Variants in CAP2 observed in about 807,000 individuals in gnomAD.
CAP2 encodes the protein cyclase associated actin cytoskeleton regulatory protein 2.
In CAP2, 24 loss-of-function variants were observed where a neutral mutation model predicts 57.7. That is an observed-to-expected ratio of 0.42 (90% CI 0.30 to 0.58). The LOEUF (loss-of-function observed/expected upper bound fraction) is 0.58. CAP2 is among the 20% of genes least tolerant of loss of function. CAP2 has a pLI of 0.22. For synonymous variants in CAP2, 194 were observed against 207.2 expected (o/e 0.94, Z 0.55); for missense variants, 501 against 590.3 (o/e 0.85, Z 1.57).
rs1491286878 is a variant in CAP2, at chr6:17,444,803, TCC to T, written c.222+18114_222+18115del. Among the ~76,000 whole-genome samples the T allele has an allele frequency of 3.8e-3, 294 of 76,634 alleles. 1 individual carries two copies. The highest frequency in any genetic ancestry group is 0.012 in the African/African-American group (271 of 22,108). The allele number at this position is 76,634 out of a possible 152,430, so 50.3% of individuals were successfully genotyped here. A position where few individuals can be genotyped will look rare whatever the true frequency, so the allele number is the denominator to read the frequency against. On this transcript the variant is annotated intron_variant, in intron 3 of 12. Transcript: ENST00000229922. ...CTCTGTAGATTTTTGTTTCTCTCTC[TCC>T]ACACACACACACACACACACACACA...
chr6:17,481,031 T>A (rs111816814), intron 4 of CAP2, among the ~76,000 whole-genome samples: 1,877 of 144,638 alleles, frequency 0.013, 46 homozygotes, highest in African/African-American at 0.046. Flanking sequence ...ACTCCTGACC[T>A]CAGGTGACCT....
chr6:17,486,035 C>T (rs189428136), intron 4 of CAP2, among the ~76,000 whole-genome samples: 3 of 152,280 alleles, frequency 2.0e-5, no homozygotes, highest in African/African-American at 7.2e-5. Context: ...TATTTGTGGC[C>T]AAACATGTTC....
chr6:17,508,714 T>G (rs1235343445), intron 6 of CAP2, among the ~76,000 whole-genome samples: 2 of 151,688 alleles, frequency 1.3e-5, no homozygotes, highest in African/African-American at 2.4e-5. Flanking sequence ...GGAAGGAAAT[T>G]AAAGAACCTG....
At chr6:17,484,366 G>A (rs552193124) in intron 4 of CAP2, among the ~76,000 whole-genome samples, 26 of 152,246 alleles carry the variant, frequency 1.7e-4, no homozygotes, top group African/African-American at 5.3e-4. Context: ...TGAATTGTTG[G>A]AACCTGCAGC....
rs573678621 is a variant in CAP2, at chr6:17,516,548, A to G, written c.636+2594A>G. Among the ~76,000 whole-genome samples, 5 of 152,328 alleles carry G rather than the reference A, an allele frequency of 3.3e-5. No individual in the cohort carries two copies. In the East Asian group the frequency reaches 7.7e-4, roughly 23 times the overall value. On this transcript the variant is annotated intron_variant, in intron 7 of 12. Transcript: ENST00000229922. ...GTGATGGATGCACCAAAATCTCACA[A>G]ATTACCACTAAAGAACTTACTCGTG...
At chr6:17,546,652 A>C (rs1257351597) in intron 11 of CAP2, among the ~76,000 whole-genome samples, 2 of 152,164 alleles carry the variant, frequency 1.3e-5, no homozygotes, top group African/African-American at 4.8e-5. Context: ...AAAAACTCTC[A>C]ATAAATTAGG....
intron 3 of CAP2, among the ~76,000 whole-genome samples, chr6:17,448,637 T>G (rs939251346): frequency 6.6e-5 from 10 of 152,252 alleles, no homozygotes; most frequent in African/African-American, 2.4e-4. Context: ...GCTTTTTAAG[T>G]TACAATGATT....
chr6:17,446,950 C>T (rs900601622), intron 3 of CAP2, among the ~76,000 whole-genome samples: 1 of 152,098 alleles, frequency 6.6e-6, no homozygotes, highest in Non-Finnish European at 1.5e-5. Context: ...CATGGTTGAG[C>T]GGTCATAGTG....
At chr6:17,450,205 C>G (rs1306992497) in intron 3 of CAP2, among the ~76,000 whole-genome samples, 56 of 152,198 alleles carry the variant, frequency 3.7e-4, no homozygotes, top group Non-Finnish European at 4.4e-5. Context: ...GCGCCCACCA[C>G]CACAGCCGGC....
At chr6:17,444,072 A>G (rs73369452) in intron 3 of CAP2, among the ~76,000 whole-genome samples, 1,981 of 152,324 alleles carry the variant, frequency 0.013, 51 homozygotes, top group African/African-American at 0.045. Context: ...AAACAAATTC[A>G]TATACAGGTA....
chr6:17,555,876 A>G (rs980957528), intron 12 of CAP2, among the ~76,000 whole-genome samples: 3 of 152,060 alleles, frequency 2.0e-5, no homozygotes, highest in Non-Finnish European at 4.4e-5. Context: ...CAGAATCTGC[A>G]TTTTCATAAG....
chr6:17,437,010 A>G (rs1238810232), intron 3 of CAP2, among the ~76,000 whole-genome samples: 1 of 152,116 alleles, frequency 6.6e-6, no homozygotes, highest in Non-Finnish European at 1.5e-5. Context: ...ATGCCTTATG[A>G]TCTGTCACTG....
At chr6:17,530,278 A>G (rs1762610848) in intron 7 of CAP2, among the ~76,000 whole-genome samples, 1 of 152,146 alleles carries the variant, frequency 6.6e-6, no homozygotes, top group Non-Finnish European at 1.5e-5. Flanking sequence ...ACAGGATCTC[A>G]CTATGTTGCC....
intron 3 of CAP2, among the ~76,000 whole-genome samples, chr6:17,450,912 G>GATTT (rs1309563523): frequency 6.6e-6 from 1 of 152,200 alleles, no homozygotes; most frequent in Non-Finnish European, 1.5e-5. Context: ...AATCAACTGT[G>GATTT]ATTTGGTTGG....
chr6:17,529,516 C>A (rs533142071), intron 7 of CAP2, among the ~76,000 whole-genome samples: 1 of 151,932 alleles, frequency 6.6e-6, no homozygotes, highest in African/African-American at 2.4e-5. Context: ...TGGCAGGCGC[C>A]TGTAGTCCCA....
At chr6:17,452,938 A>T (rs1012954427) in intron 3 of CAP2, among the ~76,000 whole-genome samples, 1 of 151,838 alleles carries the variant, frequency 6.6e-6, no homozygotes, top group Non-Finnish European at 1.5e-5. Flanking sequence ...TTCTAGTTTT[A>T]AAAAAAAGTG....
At chr6:17,451,790 G>A (rs148629699) in intron 3 of CAP2, among the ~76,000 whole-genome samples, 2 of 152,232 alleles carry the variant, frequency 1.3e-5, no homozygotes, top group Admixed American at 6.5e-5. Flanking sequence ...GATTACAGGC[G>A]TGAGCCACCA....
At chr6:17,429,059 A>G (rs1301108896) in intron 3 of CAP2, among the ~76,000 whole-genome samples, 1 of 152,214 alleles carries the variant, frequency 6.6e-6, no homozygotes, top group East Asian at 1.9e-4. Flanking sequence ...CCTGGGCACT[A>G]AGATGCATCC....
intron 3 of CAP2, among the ~76,000 whole-genome samples, chr6:17,443,277 T>C (rs1209852902): frequency 1.3e-5 from 2 of 152,222 alleles, no homozygotes; most frequent in East Asian, 1.9e-4. Flanking sequence ...AATATGCTTT[T>C]AGAGGATTGT....
Sources: allele counts gnomAD v4.1 joint callset (sites outside exome capture counted in the v4.1 genomes callset), GRCh38; gene constraint gnomAD v4.1.1; transcripts MANE v1.5; gene names NCBI Gene and HGNC (gene_info 2026-07-23, HGNC 2026-07-21).